The following MTMR7 variants were observed in gnomAD, a reference collection of about 807,000 sequenced individuals.
MTMR7 encodes myotubularin related protein 7.
MTMR7 carries 76 observed loss-of-function variants against 81.2 expected under a neutral mutation model. The observed-to-expected ratio is 0.94, with a 90% CI of 0.78 to 1.13. The LOEUF is 1.13. Ranked by LOEUF, MTMR7 falls within the 50% of genes most tolerant of loss-of-function variation. The probability of loss-of-function intolerance (pLI) is 0.00; values close to 1 mark genes in which losing one functional copy is unlikely to be tolerated. For missense variants in MTMR7, 1,044 were observed against 820.0 expected, an observed-to-expected ratio of 1.27 and a Z score of -3.34; for synonymous variants, 372 against 289.8, an observed-to-expected ratio of 1.28 and a Z score of -2.88.
At chr8:17,326,701 A>C (rs1428506795) in intron 7 of MTMR7, among the ~76,000 whole-genome samples, 1 of 152,190 alleles carries the variant, frequency 6.6e-6, no homozygotes, top group African/African-American at 2.4e-5. Flanking sequence ...CCTCAGCTGA[A>C]TTCTGCCAAC....
Position 17,304,395 on chromosome 8 carries a change from A to G in MTMR7, c.1477T>C (p.Cys493Arg), listed in dbSNP as rs377292749. 13 of 1,612,810 alleles carry G rather than the reference A, an allele frequency of 8.1e-6. No homozygotes were observed. In the East Asian group the frequency reaches 1.3e-4, roughly 17 times the overall value. ...TTTACATACTTGTACATGAAGTTAC[A>G]TGGTGTTGTAGGGAGATGAAGGGTT... Reference protein sequence around the residue: ...QGTLHLPTTPCNFMYKFWSGM... With the variant: ...QGTLHLPTTPRNFMYKFWSGM... The change falls in exon 12 of 14, where the codon TGT becomes CGT. Residue 493 changes from cysteine to arginine, a missense_variant. Transcript: ENST00000180173.
intron 7 of MTMR7, 26 bp from the exon 8 acceptor site, chr8:17,313,427 G>A (rs778032570): frequency 2.1e-5 from 31 of 1,451,722 alleles, no homozygotes; most frequent in Non-Finnish European, 2.8e-5. Flanking sequence ...TGTTATAAAA[G>A]CAAAATTAAG....
chr8:17,364,725 T>C (rs1406605076), intron 3 of MTMR7, among the ~76,000 whole-genome samples: 2 of 152,366 alleles, frequency 1.3e-5, no homozygotes, highest in East Asian at 1.9e-4. Context: ...ATTCCATCCA[T>C]GTTGTCACAA....
intron 8 of MTMR7, among the ~76,000 whole-genome samples, chr8:17,312,397 A>G (rs1396720427): frequency 6.6e-6 from 1 of 152,118 alleles, no homozygotes; most frequent in Non-Finnish European, 1.5e-5. Flanking sequence ...CAACATGGTG[A>G]AACCCCGTCT....
chr8:17,345,568 G>A (rs1329040071), intron 5 of MTMR7, among the ~76,000 whole-genome samples: 4 of 152,210 alleles, frequency 2.6e-5, no homozygotes, highest in Non-Finnish European at 5.9e-5. Context: ...GGCTGTCCCT[G>A]TAACCTAGAG....
At chr8:17,382,042 G>T (rs1820776855) in intron 1 of MTMR7, among the ~76,000 whole-genome samples, 1 of 152,118 alleles carries the variant, frequency 6.6e-6, no homozygotes, top group African/African-American at 2.4e-5. Context: ...TACCTACGAG[G>T]ATACAAAATG....
chr8:17,380,020 C>T (rs1453923131), intron 1 of MTMR7, among the ~76,000 whole-genome samples: 2 of 152,040 alleles, frequency 1.3e-5, no homozygotes, highest in African/African-American at 4.8e-5. Context: ...AAGAGCTGTG[C>T]CACAAGACAA....
chr8:17,350,619 C>T (rs146336108), intron 4 of MTMR7, among the ~76,000 whole-genome samples: 1 of 152,142 alleles, frequency 6.6e-6, no homozygotes, highest in Non-Finnish European at 1.5e-5. Flanking sequence ...AGGGGAAATA[C>T]TTTATCTGCA....
At chr8:17,361,337 G>C in intron 3 of MTMR7, 63 bp from the exon 4 acceptor site, 1 of 1,585,920 alleles carries the variant, frequency 6.3e-7, no homozygotes, top group Non-Finnish European at 8.6e-7. Flanking sequence ...AAATCTCCCC[G>C]AAAACATTCT....
At chr8:17,308,059 A>ATAAAG (rs538545700) in intron 10 of MTMR7, among the ~76,000 whole-genome samples, 15,436 of 151,710 alleles carry the variant, frequency 0.1, 1,029 homozygotes, top group African/African-American at 0.19. Flanking sequence ...AAAAATAAAA[A>ATAAAG]TAAAATGAGG....
In MTMR7 at chr8:17,413,296, TG is replaced by T; in HGVS notation, c.-5del. On this transcript the variant is annotated 5_prime_UTR_variant, in exon 1 of 14. Transcript: ENST00000180173. ...TGGGCGTACGGATGTGCTCCATGGCTGGCCCACGTCTGCAGGGTCCCGGGCG... is the reference window on the plus strand; with the variant it reads ...TGGGCGTACGGATGTGCTCCATGGCTGCCCACGTCTGCAGGGTCCCGGGCG... The T allele has an allele frequency of 6.5e-7, 1 of 1,545,784 alleles. No individual in the cohort carries two copies. The highest frequency in any genetic ancestry group is 2.5e-5 in the East Asian group (1 of 39,928).
At chr8:17,339,439 C>T (rs1342231456) in intron 6 of MTMR7, among the ~76,000 whole-genome samples, 2 of 152,164 alleles carry the variant, frequency 1.3e-5, no homozygotes, top group Non-Finnish European at 2.9e-5. Context: ...TCTCTCCCTT[C>T]CCCCAGCCCT....
chr8:17,320,254 T>C (rs1818315050), intron 7 of MTMR7, among the ~76,000 whole-genome samples: 1 of 152,210 alleles, frequency 6.6e-6, no homozygotes, highest in African/African-American at 2.4e-5. Flanking sequence ...TGCACAGTAT[T>C]GACTTAGACT....
At chr8:17,300,317 G>A in intron 13 of MTMR7, 93 bp from the exon 14 acceptor site, 1 of 1,317,172 alleles carries the variant, frequency 7.6e-7, no homozygotes, top group Non-Finnish European at 1.0e-6. Context: ...CCTCCCACGT[G>A]GGTATAATGT....
At position 17,393,205 on chromosome 8, in the gene MTMR7, C is replaced by A. The variant is rs187233563; in HGVS notation, c.25-19965G>T. ...AAATTACTTTCAATAAATGCTGCTG[C>A]GACAACTGGACTTCCACATGCAAAA... is the stretch of plus-strand genomic sequence containing the variant. On this transcript the variant is annotated intron_variant, in intron 1 of 13. Coordinates refer to ENST00000180173, the MANE Select transcript of MTMR7 (RefSeq NM_004686.5). 9.9e-5 allele frequency among the ~76,000 whole-genome samples: 15 copies of A among 152,192 alleles called. No homozygotes were observed. In the East Asian group the frequency reaches 2.9e-3, roughly 29 times the overall value.
intron 7 of MTMR7, among the ~76,000 whole-genome samples, chr8:17,323,030 C>T (rs1324870920): frequency 6.8e-6 from 1 of 147,310 alleles, no homozygotes; most frequent in Non-Finnish European, 1.5e-5. Context: ...TCACTGTAAC[C>T]TCCACCTCCC....
intron 7 of MTMR7, among the ~76,000 whole-genome samples, chr8:17,315,100 C>A (rs1817993002): frequency 6.6e-6 from 1 of 152,122 alleles, no homozygotes; most frequent in Admixed American, 6.5e-5. Context: ...AAAAGTTATA[C>A]AATATTTAAA....
In MTMR7 at chr8:17,410,973, C is replaced by T. The variant is rs183402829; in HGVS notation, c.24+2296G>A. Among the ~76,000 whole-genome samples the T allele has an allele frequency of 3.9e-5, 6 of 152,132 alleles. No individual in the cohort carries two copies. The East Asian group carries it at 1.2e-3, about 29-fold the overall frequency. On this transcript the variant is annotated intron_variant, in intron 1 of 13. Coordinates refer to ENST00000180173, the MANE Select transcript of MTMR7 (RefSeq NM_004686.5). ...AACCCAAGACATGAAACCATGAAAT[C>T]GAAGGAAATTTACCTATAGTTTCAC... is the stretch of plus-strand genomic sequence containing the variant.
intron 6 of MTMR7, among the ~76,000 whole-genome samples, chr8:17,335,093 T>C (rs900719016): frequency 4.6e-5 from 7 of 152,104 alleles, no homozygotes; most frequent in Admixed American, 3.3e-4. Flanking sequence ...TGAGCAAGTC[T>C]AACTGAAAAA....
Sources: allele counts gnomAD v4.1 joint callset (sites outside exome capture counted in the v4.1 genomes callset), GRCh38; gene constraint gnomAD v4.1.1; transcripts MANE v1.5; gene names NCBI Gene and HGNC (gene_info 2026-07-23, HGNC 2026-07-21).